The following AFF2 variants were observed in gnomAD, a reference collection of about 807,000 sequenced individuals.
AFF2 encodes AF4/FMR2 family member 2.
In AFF2, 14 loss-of-function variants were observed where a neutral mutation model predicts 76.9. That is an observed-to-expected ratio of 0.18 (90% CI 0.12 to 0.28). AFF2 has a LOEUF of 0.28. AFF2 is among the 10% of genes least tolerant of loss of function. The probability of loss-of-function intolerance (pLI) is 1.00; values close to 1 mark genes in which losing one functional copy is unlikely to be tolerated. For missense variants in AFF2, 868 were observed against 1,001.1 expected (o/e 0.87, Z 1.79); for synonymous variants, 398 against 366.7 (o/e 1.09, Z -0.98).
At chrX:148,857,674 T>C (rs886795171) in intron 7 of AFF2, among the ~76,000 whole-genome samples, 8 of 111,082 alleles carry the variant, frequency 7.2e-5, no homozygotes, top group Admixed American at 3.8e-4. Context: ...AGAGAGATCT[T>C]TCTCTGAACA....
chrX:148,876,418 CTG>C (rs1167302127), intron 7 of AFF2, among the ~76,000 whole-genome samples: 1 of 111,478 alleles, frequency 9.0e-6, no homozygotes, highest in African/African-American at 3.3e-5. Context: ...TTACTGGTCT[CTG>C]AGGACTCTGA....
intron 1 of AFF2, among the ~76,000 whole-genome samples, chrX:148,523,719 G>A (rs997375554): frequency 3.6e-5 from 4 of 112,242 alleles, no homozygotes; most frequent in African/African-American, 9.7e-5. Flanking sequence ...TTTCAAAATT[G>A]TGCAAGTGTA....
rs1180005242 is a variant in AFF2 at position 148,995,027 on chromosome X, T to G, written c.*3695T>G. The G allele has an allele frequency of 8.9e-6, 1 of 112,097 alleles. No homozygotes were observed. The highest frequency in any genetic ancestry group is 3.3e-5 in the African/African-American group (1 of 30,710). 9.2% of individuals were successfully genotyped at this position (112,097 alleles called of 1,213,427 possible). On this transcript the variant is annotated 3_prime_UTR_variant, in exon 21 of 21. Coordinates refer to ENST00000370460, the MANE Select transcript of AFF2 (RefSeq NM_002025.4). The stretch of plus-strand genomic sequence containing the variant: ...GTGGCAAGATGATACAGCTACACAG[T>G]ATCAAATGAATGGGTCAATTCAGCA...
In AFF2 at chrX:148,562,423, G is replaced by A. The variant is rs369944722; in HGVS notation, c.47+61279G>A. Among the ~76,000 whole-genome samples the A allele has an allele frequency of 4.5e-3, 497 of 111,685 alleles. 2 individuals are homozygous for A. Among genetic ancestry groups the A allele is most frequent in the Non-Finnish European group, 6.6e-3 (348 of 53,086 alleles). ...TCTTCAGAAAAGTACAACCTCTAGT[G>A]TCTCCCCTGGGCCCCTTGTTTTCTG... On this transcript the variant is annotated intron_variant, in intron 1 of 20. Coordinates refer to ENST00000370460, the MANE Select transcript of AFF2 (RefSeq NM_002025.4).
chrX:148,638,089 A>G (rs1557254114), intron 1 of AFF2, among the ~76,000 whole-genome samples: 1 of 111,308 alleles, frequency 9.0e-6, no homozygotes, highest in Non-Finnish European at 1.9e-5. Context: ...CTTGTTTTCC[A>G]TAAAAGCACA....
intron 7 of AFF2, 91 bp from the exon 8 acceptor site, chrX:148,885,798 C>T (rs2071151398): frequency 7.7e-6 from 6 of 774,598 alleles, no homozygotes; most frequent in Non-Finnish European, 1.2e-5. Flanking sequence ...CAGATTGTAG[C>T]TCCAATACTT....
chrX:148,911,529 A>G (rs782235082), intron 9 of AFF2, among the ~76,000 whole-genome samples: 1 of 111,864 alleles, frequency 8.9e-6, no homozygotes, highest in South Asian at 3.8e-4. Context: ...CTTCTATCAT[A>G]TCCCTTCCCT....
chrX:148,656,137 C>A (rs782075350), intron 2 of AFF2, among the ~76,000 whole-genome samples: 14 of 112,124 alleles, frequency 1.2e-4, no homozygotes, highest in African/African-American at 4.2e-4. Flanking sequence ...TTCTTTGCCT[C>A]TACCACTGCC....
intron 7 of AFF2, among the ~76,000 whole-genome samples, chrX:148,881,811 A>G (rs1557278520): frequency 1.8e-5 from 2 of 111,734 alleles, no homozygotes; most frequent in Non-Finnish European, 3.8e-5. Context: ...GATAGCTGGT[A>G]GCTGTATTGG....
At chrX:148,542,115 T>G (rs2052864135) in intron 1 of AFF2, among the ~76,000 whole-genome samples, 1 of 110,022 alleles carries the variant, frequency 9.1e-6, no homozygotes, top group Admixed American at 1.0e-4. Flanking sequence ...AAATATTTAT[T>G]TAGCTAATCA....
chrX:148,574,661 G>T (rs899931561), intron 1 of AFF2, among the ~76,000 whole-genome samples: 3 of 111,298 alleles, frequency 2.7e-5, no homozygotes, highest in Admixed American at 9.6e-5. Flanking sequence ...ACTCTTTCCT[G>T]CCCTGCCCTT....
chrX:148,577,861 A>G (rs1466171795), intron 1 of AFF2, among the ~76,000 whole-genome samples: 1 of 111,319 alleles, frequency 9.0e-6, no homozygotes, highest in Non-Finnish European at 1.9e-5. Context: ...CACTTGCATT[A>G]GGGCCCACCT....
Position 148,652,028 on chromosome X carries a change from A to G in AFF2, c.77A>G (p.Lys26Arg), listed in dbSNP as rs2054207692. Residue 26 changes from lysine to arginine, a missense_variant, in exon 2 of 21, where the codon AAA becomes AGA. By Grantham distance (26) the Lys-to-Arg change is conservative. This residue lies in a region of AFF2 where 196 missense variants were observed against 194.8 expected (regional missense o/e 1.01). Transcript: ENST00000370460. ...TATGAACAAGACCGTAGTGCACTTA[A>G]AAAAAGGGAATGGGAGCGGAGGAAT... ...CHYEQDRSAL[K>R]KREWERRNQE... The G allele has an allele frequency of 8.3e-7, 1 of 1,204,335 alleles. No individual in the cohort carries two copies. Among genetic ancestry groups the G allele is most frequent in the Non-Finnish European group, 1.1e-6 (1 of 889,936 alleles).
At position 148,635,992 on chromosome X, in the gene AFF2, A is replaced by G. The variant is rs182721969; in HGVS notation, c.48-16007A>G. 1.6e-4 allele frequency among the ~76,000 whole-genome samples: 18 copies of G among 110,505 alleles called. No homozygotes were observed. The East Asian group carries it at 3.4e-3, about 21-fold the overall frequency. On this transcript the variant is annotated intron_variant, in intron 1 of 20. Coordinates refer to ENST00000370460, the MANE Select transcript of AFF2 (RefSeq NM_002025.4). ...ATAGATCTGTGTAAAAGCTACATAT[A>G]TGCAATATATGTATGAGTGTGTGGA... is the stretch of plus-strand genomic sequence containing the variant.
chrX:148,591,887 G>A lies in AFF2; in HGVS notation c.48-60112G>A, dbSNP rs902921601. Among the ~76,000 whole-genome samples, 7 of 112,328 alleles carry A rather than the reference G, an allele frequency of 6.2e-5. No individual in the cohort carries two copies. In the Admixed American group the frequency reaches 6.6e-4, roughly 11 times the overall value. On this transcript the variant is annotated intron_variant, in intron 1 of 20. Coordinates refer to ENST00000370460, the MANE Select transcript of AFF2 (RefSeq NM_002025.4). ...TACACTGTTTTCAACTGCATTTCTT[G>A]TTTTCATCGAAAATGCAGCCCATTC...
At chrX:148,574,273 A>G (rs941757832) in intron 1 of AFF2, among the ~76,000 whole-genome samples, 3 of 111,694 alleles carry the variant, frequency 2.7e-5, no homozygotes, top group African/African-American at 9.8e-5. Flanking sequence ...CTAAAAGCAG[A>G]TTATCTAATA....
chrX:148,826,490 C>T (rs190080136), intron 4 of AFF2, among the ~76,000 whole-genome samples: 2 of 111,027 alleles, frequency 1.8e-5, no homozygotes, highest in East Asian at 5.7e-4. Flanking sequence ...CTACTTGTAG[C>T]TTATGCTGGC....
intron 3 of AFF2, among the ~76,000 whole-genome samples, chrX:148,800,413 A>C (rs1472705952): frequency 8.9e-6 from 1 of 112,102 alleles, no homozygotes; most frequent in African/African-American, 3.2e-5. Context: ...TTCCATTTAC[A>C]TTGCTTTAAG....
rs782322260 is a variant in AFF2, at chrX:148,715,218, T to G, written c.1041+52450T>G. Among the ~76,000 whole-genome samples, 3 of 111,476 alleles carry G rather than the reference T, an allele frequency of 2.7e-5. No homozygotes were observed. In the South Asian group the frequency reaches 1.1e-3, roughly 42 times the overall value. On this transcript the variant is annotated intron_variant, in intron 3 of 20. Coordinates refer to ENST00000370460, the MANE Select transcript of AFF2 (RefSeq NM_002025.4). ...TATGTTTGCAGAGCAGCAAGTGATC[T>G]GAGTTTCTTATCAAGCAATTTATAA... is the stretch of plus-strand genomic sequence containing the variant.
Sources: gnomAD v4.1 joint callset for allele counts (sites outside exome capture counted in the v4.1 genomes callset) on GRCh38, gnomAD v4.1.1 for gene constraint, gnomAD v4.1.1 regional missense constraint, MANE v1.5 for transcripts, NCBI Gene and HGNC (gene_info 2026-07-23, HGNC 2026-07-21) for gene names.